ZFYVE26: variants seen among roughly 807,000 people sequenced by gnomAD.
The protein encoded by ZFYVE26 is zinc finger FYVE-type containing 26.
In ZFYVE26, 181 loss-of-function variants were observed where a neutral mutation model predicts 276.5. The observed-to-expected ratio is 0.65, with a 90% confidence interval of 0.58 to 0.74. The LOEUF is 0.74. Among genes scored for constraint, ZFYVE26 ranks in the 30% least tolerant of loss-of-function variants. The pLI is 0.00. For synonymous variants in ZFYVE26, 1,129 were observed against 1,203.1 expected (o/e 0.94, Z 1.27); for missense variants, 2,821 against 3,097.9 (o/e 0.91, Z 2.12).
chr14:67,810,323 T>G (rs989601279), intron 3 of ZFYVE26, among the ~76,000 whole-genome samples: 2 of 152,184 alleles, frequency 1.3e-5, no homozygotes, highest in African/African-American at 4.8e-5. Flanking sequence ...AACCTCTGTT[T>G]TTGTCATTCA....
In ZFYVE26 at chr14:67,781,500, CG is replaced by C; in HGVS notation, c.4401del (p.Val1468Ter). The C allele has an allele frequency of 6.2e-7, 1 of 1,614,108 alleles. No individual in the cohort carries two copies. Among genetic ancestry groups the C allele is most frequent in the South Asian group, 1.1e-5 (1 of 91,078 alleles). Reference sequence around the variant, plus strand: ...CGACTTCTCAGAGATGCATCCTTCACGGGAAACAGGTATTGCCAACCTTCTT... The same window carrying C: ...CGACTTCTCAGAGATGCATCCTTCACGGAAACAGGTATTGCCAACCTTCTT... ...CDKEGWQYLF[P>X]VKDASLRSRL... On this transcript the variant is annotated frameshift_variant, in exon 22 of 42. Coordinates refer to ENST00000347230, the MANE Select transcript of ZFYVE26 (RefSeq NM_015346.4). LOFTEE classifies it high-confidence loss of function.
rs1347107396 is a variant in ZFYVE26 at position 67,805,317 on chromosome 14, T to G, written c.1183-12A>C. On this transcript the variant is annotated splice_polypyrimidine_tract_variant and intron_variant, in intron 7 of 41. Coordinates refer to ENST00000347230, the MANE Select transcript of ZFYVE26 (RefSeq NM_015346.4). ...TCACAGCCTGGGCCCTATGTTGATA[T>G]GGGAGAAGAAAGAGATGCTGACTCA... The G allele has an allele frequency of 6.2e-7, 1 of 1,613,946 alleles. No individual in the cohort carries two copies. Among genetic ancestry groups the G allele is most frequent in the Non-Finnish European group, 8.5e-7 (1 of 1,179,992 alleles).
chr14:67,769,852 G>C (rs1229138772), intron 28 of ZFYVE26, 122 bp from the exon 29 acceptor site: 1 of 1,344,844 alleles, frequency 7.4e-7, no homozygotes, highest in Non-Finnish European at 1.0e-6. Flanking sequence ...CAACTGCTTG[G>C]GTCTCTATTG....
chr14:67,735,179 C>T (rs956112986), intron 13 of ZFYVE26: 16 of 1,267,646 alleles, frequency 1.3e-5, no homozygotes, highest in African/African-American at 2.9e-5. Flanking sequence ...AAGCCACAGT[C>T]GTTCCCCTTG....
downstream of ZFYVE26, among the ~76,000 whole-genome samples, chr14:67,745,892 T>G (rs1260933081): frequency 8.1e-6 from 1 of 123,408 alleles, no homozygotes; most frequent in Non-Finnish European, 1.6e-5. Flanking sequence ...GCCAGGCGAC[T>G]GCACTCCAGC....
intron 10 of ZFYVE26, chr14:67,799,142 A>G: frequency 6.6e-7 from 1 of 1,516,778 alleles, no homozygotes; most frequent in South Asian, 1.1e-5. Flanking sequence ...GCTACTCTTT[A>G]AAAAGATATC....
rs751474117 is a variant in ZFYVE26, at chr14:67,761,601, CGA to C, written c.6370-19_6370-18del. On this transcript the variant is annotated intron_variant, in intron 34 of 41. Transcript: ENST00000347230. ...GTCATCTTGCTGACAGCACAGGGAGCGAGAGAGAAAAATGAAACTCAAAAAGT... is the reference window on the plus strand; with the variant it reads ...GTCATCTTGCTGACAGCACAGGGAGCGAGAGAAAAATGAAACTCAAAAAGT... 6.2e-7 allele frequency: 1 copy of C among 1,610,202 alleles called. No homozygotes were observed. The highest frequency in any genetic ancestry group is 8.5e-7 in the Non-Finnish European group (1 of 1,177,812).
At position 67,729,326 on chromosome 14, in the gene ZFYVE26, G is replaced by C. The variant is rs766633594; in HGVS notation, n.3173C>G. ...ACGGCACGGGAGGGGGCGCAGACCA[G>C]CCTGCACTGCGCCCTGGCTGAGGGC... On this transcript the variant is annotated non_coding_transcript_exon_variant, in exon 14 of 15. Transcript: ENST00000394455. 1.6e-5 allele frequency: 25 copies of C among 1,599,554 alleles called. No homozygotes were observed. The highest frequency in any genetic ancestry group is 1.9e-5 in the Non-Finnish European group (23 of 1,179,876).
At chr14:67,782,683 C>T (rs755462548) in intron 21 of ZFYVE26, 97 bp downstream of exon 21, 5 of 1,568,734 alleles carry the variant, frequency 3.2e-6, no homozygotes, top group African/African-American at 1.3e-5. Context: ...AGTGGGGCTT[C>T]TCTCTAGAGT....
At chr14:67,768,129 G>A (rs1247361057) in intron 30 of ZFYVE26, among the ~76,000 whole-genome samples, 1 of 152,106 alleles carries the variant, frequency 6.6e-6, no homozygotes, top group African/African-American at 2.4e-5. Flanking sequence ...CTGAGCCACT[G>A]GACACTCTAA....
chr14:67,814,556 T>C (rs1466155308), intron 2 of ZFYVE26, among the ~76,000 whole-genome samples: 1 of 144,074 alleles, frequency 6.9e-6, no homozygotes, highest in African/African-American at 2.7e-5. Context: ...AACAAACAAA[T>C]CAGAACCAGA....
chr14:67,773,534 CAAAAA>C (rs35244775), intron 27 of ZFYVE26, among the ~76,000 whole-genome samples: 2 of 117,926 alleles, frequency 1.7e-5, no homozygotes, highest in Non-Finnish European at 1.7e-5. Context: ...ATCCTGTCTC[CAAAAA>C]AAAAAAAAAA....
At chr14:67,791,077 A>C (rs2039801547) in intron 14 of ZFYVE26, among the ~76,000 whole-genome samples, 1 of 152,256 alleles carries the variant, frequency 6.6e-6, no homozygotes, top group South Asian at 2.1e-4. Context: ...TAGGAATTTA[A>C]GTAACAATAA....
intron 19 of ZFYVE26, 112 bp downstream of exon 19, chr14:67,784,947 T>A (rs779654405): frequency 1.8e-6 from 2 of 1,091,206 alleles, no homozygotes; most frequent in Non-Finnish European, 2.8e-6. Flanking sequence ...ATAAATCTAG[T>A]GTTCTTGGCT....
intron 13 of ZFYVE26, among the ~76,000 whole-genome samples, chr14:67,738,936 C>T (rs1290465713): frequency 6.6e-6 from 1 of 152,130 alleles, no homozygotes; most frequent in African/African-American, 2.4e-5. Context: ...CCAGGCCTCC[C>T]CACAGAGATC....
intron 28 of ZFYVE26, among the ~76,000 whole-genome samples, chr14:67,771,467 C>T (rs898495532): frequency 6.6e-6 from 1 of 152,222 alleles, no homozygotes; most frequent in African/African-American, 2.4e-5. Context: ...GAAACAGACA[C>T]AGAGCAATTA....
rs2038511018 is a variant in ZFYVE26, at chr14:67,747,380, A to G, written c.*1056T>C. Reference sequence around the variant, plus strand: ...AGAAAAGAAGCGCACTCCCTTCCCAATGACCCCACATGTCTGCATATCCAT... The same window carrying G: ...AGAAAAGAAGCGCACTCCCTTCCCAGTGACCCCACATGTCTGCATATCCAT... On this transcript the variant is annotated 3_prime_UTR_variant, in exon 42 of 42. Coordinates refer to ENST00000347230, the MANE Select transcript of ZFYVE26 (RefSeq NM_015346.4). 2 of 152,242 alleles carry G rather than the reference A, an allele frequency of 1.3e-5. No individual in the cohort carries two copies. Among genetic ancestry groups the G allele is most frequent in the South Asian group, 2.1e-4 (1 of 4,810 alleles). The allele number at this position is 152,242 out of a possible 1,614,324, so 9.4% of individuals were successfully genotyped here.
At chr14:67,815,641 C>T (rs1566902134) in intron 2 of ZFYVE26, 129 bp downstream of exon 2, 7 of 925,508 alleles carry the variant, frequency 7.6e-6, no homozygotes, top group Admixed American at 3.5e-5. Context: ...TTTCAGAGCA[C>T]GTGAAATACA....
At position 67,805,212 on chromosome 14, in the gene ZFYVE26, C is replaced by T. The variant is rs1448984015; in HGVS notation, c.1271+5G>A. On this transcript the variant is annotated splice_donor_5th_base_variant and intron_variant, in intron 8 of 41. Transcript: ENST00000347230. ...TGGGCAGGCGCTGACTGCACAGGGC[C>T]ATACCTGCTCTGCTGTATGCACCAC... The T allele has an allele frequency of 2.5e-6, 4 of 1,613,404 alleles. No individual in the cohort carries two copies. The highest frequency in any genetic ancestry group is 3.4e-6 in the Non-Finnish European group (4 of 1,179,868).
Sources: allele counts gnomAD v4.1 joint callset (sites outside exome capture counted in the v4.1 genomes callset), GRCh38; gene constraint gnomAD v4.1.1; transcripts MANE v1.5; gene names NCBI Gene and HGNC (gene_info 2026-07-23, HGNC 2026-07-21).